Variants in GNAQ observed in about 807,000 individuals in gnomAD.
GNAQ encodes guanine nucleotide-binding protein G(q) subunit alpha.
Under a neutral mutation model 43.9 loss-of-function variants are expected in GNAQ, and 8 were observed. The ratio of observed to expected loss-of-function variants is 0.18; its 90% CI spans 0.11 to 0.33. The LOEUF (loss-of-function observed/expected upper bound fraction) is 0.33. Among genes scored for constraint, GNAQ ranks in the 10% least tolerant of loss-of-function variants. GNAQ has a pLI of 1.00. For synonymous variants in GNAQ, 155 were observed against 170.7 expected (o/e 0.91, Z 0.71); for missense variants, 158 against 450.8 (o/e 0.35, Z 5.88).
intron 5 of GNAQ, among the ~76,000 whole-genome samples, chr9:77,762,428 G>GCCCATTGAGAAC (rs1587904779): frequency 7.8e-6 from 1 of 127,580 alleles, no homozygotes; most frequent in East Asian, 2.5e-4. Context: ...GGGAGGTGGG[G>GCCCATTGAGAAC]GGGTCAGCCC....
intron 2 of GNAQ, among the ~76,000 whole-genome samples, chr9:77,873,774 T>C (rs1439570302): frequency 6.6e-6 from 1 of 152,208 alleles, no homozygotes; most frequent in Admixed American, 6.5e-5. Context: ...CCTATTGCAT[T>C]TGCATTCAGA....
chr9:77,747,922 A>G (rs1340402195), intron 5 of GNAQ, among the ~76,000 whole-genome samples: 1 of 152,200 alleles, frequency 6.6e-6, no homozygotes, highest in Non-Finnish European at 1.5e-5. Context: ...CTACAAGTCC[A>G]TGGTTTTTCT....
At chr9:77,940,672 A>T (rs1470735524) in intron 1 of GNAQ, among the ~76,000 whole-genome samples, 1 of 152,252 alleles carries the variant, frequency 6.6e-6, no homozygotes, top group African/African-American at 2.4e-5. Flanking sequence ...GATGTATTTT[A>T]AAATTTGCAA....
intron 2 of GNAQ, among the ~76,000 whole-genome samples, chr9:77,840,164 T>C (rs1827464106): frequency 6.6e-6 from 1 of 152,314 alleles, no homozygotes; most frequent in Admixed American, 6.5e-5. Flanking sequence ...CAGTAAATGG[T>C]TGGTTGAATA....
chr9:78,019,046 G>C lies in GNAQ; in HGVS notation c.136+12054C>G, dbSNP rs534702627. ...AAAAATACGTTTCTCAAAGGACAGA[G>C]CTAGTGATTTTCATGAAAATATACT... On this transcript the variant is annotated intron_variant, in intron 1 of 6. Transcript: ENST00000286548. Among the ~76,000 whole-genome samples the C allele has an allele frequency of 3.3e-5, 5 of 152,260 alleles. No homozygotes were observed. The East Asian group carries it at 5.8e-4, about 18-fold the overall frequency.
Position 77,978,670 on chromosome 9 carries a change from C to T in GNAQ, c.136+52430G>A, listed in dbSNP as rs573392679. Among the ~76,000 whole-genome samples, 141 of 152,300 alleles carry T rather than the reference C, an allele frequency of 9.3e-4. 1 individual carries two copies. In the South Asian group the frequency reaches 0.013, roughly 14 times the overall value. ...TCAACTCCTAGAAAAGGAAATAGAA[C>T]CCTTTATCAGTGAACCTGAGTCAAA... On this transcript the variant is annotated intron_variant, in intron 1 of 6. Transcript: ENST00000286548.
intron 2 of GNAQ, among the ~76,000 whole-genome samples, chr9:77,902,660 A>G (rs1236251655): frequency 6.6e-6 from 1 of 152,248 alleles, no homozygotes; most frequent in Non-Finnish European, 1.5e-5. Flanking sequence ...TTCTGGTCTT[A>G]GTCTTCAGAA....
chr9:77,833,321 G>C (rs1827332112), intron 2 of GNAQ, among the ~76,000 whole-genome samples: 1 of 152,184 alleles, frequency 6.6e-6, no homozygotes, highest in Non-Finnish European at 1.5e-5. Context: ...CCAAAGGGTA[G>C]TAGCACCTCT....
chr9:77,927,206 T>C (rs1336919389), intron 1 of GNAQ, among the ~76,000 whole-genome samples: 1 of 152,210 alleles, frequency 6.6e-6, no homozygotes, highest in Non-Finnish European at 1.5e-5. Flanking sequence ...ATAAGCCATA[T>C]ATATGTTTAC....
At chr9:78,019,923 CAAAAAAAAA>C (rs34222702) in intron 1 of GNAQ, among the ~76,000 whole-genome samples, 2 of 94,154 alleles carry the variant, frequency 2.1e-5, no homozygotes, top group African/African-American at 4.2e-5. Flanking sequence ...GACTCCATCT[CAAAAAAAAA>C]AAAAAAAAAA....
At chr9:77,952,272 T>A (rs934410914) in intron 1 of GNAQ, among the ~76,000 whole-genome samples, 1 of 152,190 alleles carries the variant, frequency 6.6e-6, no homozygotes, top group African/African-American at 2.4e-5. Flanking sequence ...TACACTGGAG[T>A]GGAATATGAC....
At chr9:77,894,743 A>AT (rs1828472661) in intron 2 of GNAQ, among the ~76,000 whole-genome samples, 1 of 151,730 alleles carries the variant, frequency 6.6e-6, no homozygotes, top group African/African-American at 2.4e-5. Context: ...TTTTTAAGGG[A>AT]TTTGCTTGTG....
chr9:77,744,566 GAA>G (rs1290216111), intron 5 of GNAQ, among the ~76,000 whole-genome samples: 1 of 152,202 alleles, frequency 6.6e-6, no homozygotes, highest in Non-Finnish European at 1.5e-5. Flanking sequence ...TGATGAAGGT[GAA>G]AGGGAATTTC....
chr9:77,733,899 G>A (rs1351673137), intron 5 of GNAQ, among the ~76,000 whole-genome samples: 1 of 152,206 alleles, frequency 6.6e-6, no homozygotes, highest in East Asian at 1.9e-4. Context: ...ATGAATCAGA[G>A]CTTGCAAGGA....
At chr9:77,857,090 T>A (rs1827767405) in intron 2 of GNAQ, among the ~76,000 whole-genome samples, 1 of 152,180 alleles carries the variant, frequency 6.6e-6, no homozygotes, top group Non-Finnish European at 1.5e-5. Flanking sequence ...ACAGCAAGGC[T>A]GAGAGGTTCA....
intron 5 of GNAQ, among the ~76,000 whole-genome samples, chr9:77,784,731 G>C (rs145945910): frequency 1.7e-4 from 26 of 152,258 alleles, no homozygotes; most frequent in Non-Finnish European, 3.4e-4. Flanking sequence ...AACAACGGAC[G>C]TGCATCACTG....
chr9:77,772,890 A>C (rs193081441), intron 5 of GNAQ, among the ~76,000 whole-genome samples: 5 of 152,374 alleles, frequency 3.3e-5, no homozygotes, highest in Non-Finnish European at 5.9e-5. Context: ...CGCTAATGCT[A>C]AAGATAGCTG....
intron 1 of GNAQ, among the ~76,000 whole-genome samples, chr9:77,940,898 A>G (rs1587421963): frequency 6.6e-6 from 1 of 151,576 alleles, no homozygotes; most frequent in East Asian, 2.0e-4. Context: ...ACCCAGGAGG[A>G]GCTTGCAGTG....
chr9:77,748,451 G>T (rs1825763235), intron 5 of GNAQ, among the ~76,000 whole-genome samples: 1 of 152,154 alleles, frequency 6.6e-6, no homozygotes, highest in Non-Finnish European at 1.5e-5. Context: ...AACTTTTAAG[G>T]ACAAGCATGA....
Sources: gnomAD v4.1 joint callset for allele counts (sites outside exome capture counted in the v4.1 genomes callset) on GRCh38, gnomAD v4.1.1 for gene constraint, MANE v1.5 for transcripts, NCBI Gene and HGNC (gene_info 2026-07-23, HGNC 2026-07-21) for gene names.